ANO6: variants seen among roughly 807,000 people sequenced by gnomAD.
ANO6 encodes the protein anoctamin 6.
In ANO6, 106 loss-of-function variants were observed where a neutral mutation model predicts 117.5. The ratio of observed to expected loss-of-function variants is 0.90; its 90% CI spans 0.77 to 1.06. ANO6 has a LOEUF of 1.06. Ranked by LOEUF, ANO6 falls within the 50% of genes least tolerant of loss-of-function variation. The pLI, the probability that ANO6 is intolerant of heterozygous loss-of-function variation, is 0.00. For missense variants in ANO6, 955 were observed against 1,121.1 expected (o/e 0.85, Z 2.12); for synonymous variants, 367 against 385.1 (o/e 0.95, Z 0.55).
intron 17 of ANO6, among the ~76,000 whole-genome samples, chr12:45,420,729 G>A (rs1162778143): frequency 1.3e-5 from 2 of 152,030 alleles, no homozygotes; most frequent in African/African-American, 2.4e-5. Context: ...CTATAACTTC[G>A]GCCAGGTGCA....
At chr12:45,311,566 A>G (rs1212230915) in intron 2 of ANO6, among the ~76,000 whole-genome samples, 1 of 152,106 alleles carries the variant, frequency 6.6e-6, no homozygotes, top group Non-Finnish European at 1.5e-5. Context: ...CATGACAGCA[A>G]GATTTAAATA....
chr12:45,383,751 T>C (rs1166772521), intron 10 of ANO6, among the ~76,000 whole-genome samples: 1 of 152,214 alleles, frequency 6.6e-6, no homozygotes, highest in Admixed American at 6.5e-5. Flanking sequence ...TATAAACAGA[T>C]GTGCTTGTCA....
intron 2 of ANO6, among the ~76,000 whole-genome samples, chr12:45,325,954 A>T (rs897786737): frequency 6.6e-6 from 1 of 152,190 alleles, no homozygotes. Flanking sequence ...GTCATTTCAA[A>T]GTTCTGTTTT....
At chr12:45,336,438 G>T in intron 3 of ANO6, among the ~76,000 whole-genome samples, 1 of 150,066 alleles carries the variant, frequency 6.7e-6, no homozygotes, top group East Asian at 1.9e-4. Flanking sequence ...TTTATGTATG[G>T]TCATAAGTTG....
chr12:45,402,932 C>T (rs1942831468), intron 13 of ANO6, 140 bp from the exon 14 acceptor site: 1 of 850,618 alleles, frequency 1.2e-6, no homozygotes, highest in Admixed American at 2.3e-5. Flanking sequence ...TTAAGGAATT[C>T]AAAACAGCTT....
At chr12:45,285,241 A>G (rs1205053084) in intron 1 of ANO6, among the ~76,000 whole-genome samples, 1 of 152,212 alleles carries the variant, frequency 6.6e-6, no homozygotes, top group Non-Finnish European at 1.5e-5. Flanking sequence ...CCTGCCTGCC[A>G]TCCATCACCA....
intron 17 of ANO6, among the ~76,000 whole-genome samples, chr12:45,419,573 T>C (rs1943303795): frequency 6.6e-6 from 1 of 152,186 alleles, no homozygotes; most frequent in South Asian, 2.1e-4. Context: ...AATTGTTTTT[T>C]CTTGCTTTGC....
chr12:45,378,576 C>T (rs909489558), intron 10 of ANO6, among the ~76,000 whole-genome samples: 4 of 152,156 alleles, frequency 2.6e-5, no homozygotes, highest in African/African-American at 9.7e-5. Context: ...AGCTTCAGTG[C>T]ATATGCATTT....
chr12:45,418,214 A>G (rs775112151), intron 17 of ANO6, among the ~76,000 whole-genome samples: 20 of 152,238 alleles, frequency 1.3e-4, no homozygotes, highest in Non-Finnish European at 2.4e-4. Flanking sequence ...ACAGTTTTAT[A>G]CAATAAAACA....
chr12:45,421,376 A>T, intron 18 of ANO6, 103 bp downstream of exon 18: 1 of 1,221,802 alleles, frequency 8.2e-7, no homozygotes, highest in South Asian at 1.3e-5. Flanking sequence ...TTATTTCTTT[A>T]TAACTTCAGG....
intron 8 of ANO6, among the ~76,000 whole-genome samples, chr12:45,359,822 G>A (rs61351713): frequency 0.031 from 4,726 of 152,222 alleles, 103 homozygotes; most frequent in African/African-American, 0.059. Context: ...GAATTGTTGG[G>A]ATATACAGTA....
chr12:45,272,484 A>G (rs1938425412), intron 1 of ANO6, among the ~76,000 whole-genome samples: 1 of 152,218 alleles, frequency 6.6e-6, no homozygotes, highest in South Asian at 2.1e-4. Context: ...TTTAAATCCA[A>G]GTAAGTCTGA....
chr12:45,280,222 T>C (rs1938679808), intron 1 of ANO6, among the ~76,000 whole-genome samples: 1 of 152,236 alleles, frequency 6.6e-6, no homozygotes, highest in African/African-American at 2.4e-5. Context: ...GTATATTTTT[T>C]TTCTCTTTTC....
rs370432937 is a variant in ANO6, at chr12:45,390,406, T to C, written c.1309-15T>C. On this transcript the variant is annotated splice_polypyrimidine_tract_variant and intron_variant, in intron 11 of 19. Coordinates refer to ENST00000320560, the MANE Select transcript of ANO6 (RefSeq NM_001025356.3). ...AATCCCTTGATTGACTAAACTTTTT[T>C]GTTTTTGTAATTAGGAAGAAGAACG... The C allele has an allele frequency of 6.1e-5, 98 of 1,608,588 alleles. No individual in the cohort carries two copies. The highest frequency in any genetic ancestry group is 8.3e-5 in the Non-Finnish European group (97 of 1,175,210).
At chr12:45,383,101 TTG>T (rs1237708449) in intron 10 of ANO6, 3 of 195,094 alleles carry the variant, frequency 1.5e-5, no homozygotes, top group East Asian at 1.4e-4. Flanking sequence ...TCTACTAAGT[TTG>T]TGTGATATTC....
intron 12 of ANO6, among the ~76,000 whole-genome samples, chr12:45,396,857 T>C (rs957524154): frequency 1.3e-5 from 2 of 152,178 alleles, no homozygotes; most frequent in African/African-American, 4.8e-5. Flanking sequence ...AAGACTTAAA[T>C]GTTAGACCTA....
rs1435503932 is a variant in ANO6, at chr12:45,227,355, T to G, written c.70+10964T>G. Reference sequence around the variant, plus strand: ...TGAACTTATATAGGTAATTGGCTGCTGTTGATATAGAGTGTTAAGGAGTGA... The same window carrying G: ...TGAACTTATATAGGTAATTGGCTGCGGTTGATATAGAGTGTTAAGGAGTGA... On this transcript the variant is annotated intron_variant, in intron 1 of 19. Coordinates refer to ENST00000320560, the MANE Select transcript of ANO6 (RefSeq NM_001025356.3). Among the ~76,000 whole-genome samples the G allele has an allele frequency of 2.0e-5, 3 of 152,304 alleles. No individual in the cohort carries two copies. In the East Asian group the frequency reaches 5.8e-4, roughly 29 times the overall value.
At chr12:45,394,784 C>T (rs1303652951) in intron 12 of ANO6, among the ~76,000 whole-genome samples, 1 of 152,220 alleles carries the variant, frequency 6.6e-6, no homozygotes, top group African/African-American at 2.4e-5. Flanking sequence ...TAAAGATGTT[C>T]TTTGAAACCA....
intron 1 of ANO6, among the ~76,000 whole-genome samples, chr12:45,256,961 C>T (rs1937855835): frequency 2.0e-5 from 3 of 152,028 alleles, no homozygotes; most frequent in Admixed American, 2.0e-4. Flanking sequence ...TGAGAGGCAG[C>T]CAGGAGATGC....
Sources: allele counts gnomAD v4.1 joint callset (sites outside exome capture counted in the v4.1 genomes callset), GRCh38; gene constraint gnomAD v4.1.1; transcripts MANE v1.5; gene names NCBI Gene and HGNC (gene_info 2026-07-23, HGNC 2026-07-21).